Variants in KLF12 observed in about 807,000 individuals in gnomAD.
KLF12 encodes the protein Krueppel-like factor 12.
KLF12 carries 9 observed loss-of-function variants against 37.8 expected under a neutral mutation model. That is an observed-to-expected ratio of 0.24 (90% CI 0.14 to 0.42). The LOEUF (loss-of-function observed/expected upper bound fraction) is 0.42. Ranked by LOEUF, KLF12 falls within the 10% of genes least tolerant of loss-of-function variation. The pLI, the probability that KLF12 is intolerant of heterozygous loss-of-function variation, is 1.00. For missense variants in KLF12, 411 were observed against 516.0 expected, an observed-to-expected ratio of 0.80 and a Z score of 1.97; for synonymous variants, 208 against 202.1, an observed-to-expected ratio of 1.03 and a Z score of -0.25.
intron 2 of KLF12, among the ~76,000 whole-genome samples, chr13:73,972,682 A>G (rs1891381682): frequency 6.7e-6 from 1 of 149,740 alleles, no homozygotes; most frequent in African/African-American, 2.5e-5. Context: ...TAACCGGCAG[A>G]TCGATACGAG....
intron 3 of KLF12, among the ~76,000 whole-genome samples, chr13:73,859,983 G>A (rs1885830714): frequency 6.6e-6 from 1 of 152,188 alleles, no homozygotes; most frequent in South Asian, 2.1e-4. Context: ...CCAATGATGA[G>A]TGCTCTTTGA....
Position 73,863,829 on chromosome 13 carries a change from T to G in KLF12, c.124-17456A>C, listed in dbSNP as rs545952791. Among the ~76,000 whole-genome samples the G allele has an allele frequency of 3.3e-5, 5 of 152,258 alleles. No individual in the cohort carries two copies. In the South Asian group the frequency reaches 1.0e-3, roughly 32 times the overall value. ...GGTAATAGCACCCCGCCAGGAGGGC[T>G]TGGGGTGGAACTGGATACTCCAACA... On this transcript the variant is annotated intron_variant, in intron 3 of 7. Transcript: ENST00000377669.
intron 6 of KLF12, among the ~76,000 whole-genome samples, chr13:73,746,446 T>C (rs1465611229): frequency 6.6e-6 from 1 of 152,178 alleles, no homozygotes; most frequent in Non-Finnish European, 1.5e-5. Flanking sequence ...ATAGCTTGAA[T>C]TCTCTTCCAA....
chr13:73,702,463 C>A (rs1384437558), intron 7 of KLF12, among the ~76,000 whole-genome samples: 1 of 152,090 alleles, frequency 6.6e-6, no homozygotes, highest in Non-Finnish European at 1.5e-5. Flanking sequence ...AAGACAGGTG[C>A]CCTTTCATAT....
the KLF12 span, among the ~76,000 whole-genome samples, chr13:74,221,286 G>A: frequency 6.6e-6 from 1 of 152,146 alleles, no homozygotes; most frequent in African/African-American, 2.4e-5. Flanking sequence ...GATTACAGGC[G>A]TGAGCCACCG....
intron 1 of KLF12, among the ~76,000 whole-genome samples, chr13:74,079,214 T>A (rs370019134): frequency 1.6e-4 from 23 of 145,342 alleles, no homozygotes; most frequent in African/African-American, 5.7e-4. Flanking sequence ...ATAGAACGGG[T>A]ACCAGGGGCT....
At chr13:74,300,778 T>G in the KLF12 span, among the ~76,000 whole-genome samples, 38 of 152,166 alleles carry the variant, frequency 2.5e-4, no homozygotes, top group African/African-American at 8.0e-4. Flanking sequence ...GCAATAAAGA[T>G]AAGTAGTTTT....
At chr13:74,201,611 T>C in the KLF12 span, among the ~76,000 whole-genome samples, 1 of 152,160 alleles carries the variant, frequency 6.6e-6, no homozygotes, top group Non-Finnish European at 1.5e-5. Context: ...CTAAAGTTAC[T>C]TTTGAATCCT....
intron 5 of KLF12, among the ~76,000 whole-genome samples, chr13:73,797,976 T>G (rs955984324): frequency 2.6e-5 from 4 of 152,164 alleles, no homozygotes; most frequent in African/African-American, 9.7e-5. Context: ...TTTTCATGAC[T>G]AATAATTTAC....
chr13:73,736,475 CTAGAA>C (rs1254437677), intron 6 of KLF12, among the ~76,000 whole-genome samples: 1 of 152,102 alleles, frequency 6.6e-6, no homozygotes. Flanking sequence ...AATCCCTATA[CTAGAA>C]AAGTCACCAT....
chr13:74,009,904 C>T (rs1385663759), intron 1 of KLF12, among the ~76,000 whole-genome samples: 1 of 152,148 alleles, frequency 6.6e-6, no homozygotes, highest in Non-Finnish European at 1.5e-5. Context: ...TTAAATTAAA[C>T]AAACTATAAC....
intron 1 of KLF12, among the ~76,000 whole-genome samples, chr13:74,018,664 A>G (rs892313014): frequency 2.0e-5 from 3 of 152,336 alleles, no homozygotes; most frequent in South Asian, 2.1e-4. Context: ...TAAATTAGTA[A>G]TAATGTTTCT....
At chr13:73,793,304 A>G (rs1378659214) in intron 5 of KLF12, among the ~76,000 whole-genome samples, 6 of 152,358 alleles carry the variant, frequency 3.9e-5, no homozygotes, top group Non-Finnish European at 7.3e-5. Flanking sequence ...TGACACAGTT[A>G]TAGGCTCCAA....
intron 5 of KLF12, among the ~76,000 whole-genome samples, chr13:73,765,250 A>G (rs1879835332): frequency 6.6e-6 from 1 of 152,160 alleles, no homozygotes; most frequent in African/African-American, 2.4e-5. Context: ...TCCCAGAGGC[A>G]GGACTGATGC....
intron 4 of KLF12, among the ~76,000 whole-genome samples, chr13:73,831,851 C>T (rs1040991386): frequency 5.3e-5 from 8 of 152,132 alleles, no homozygotes; most frequent in Non-Finnish European, 1.0e-4. Context: ...AAGAGAAGTG[C>T]TACAAAATTT....
chr13:74,234,492 T>C, the KLF12 span, among the ~76,000 whole-genome samples: 4 of 152,252 alleles, frequency 2.6e-5, no homozygotes, highest in East Asian at 7.7e-4. Context: ...CATGAAACAC[T>C]GTATGACACA....
intron 2 of KLF12, among the ~76,000 whole-genome samples, chr13:73,984,580 G>A (rs1300749399): frequency 1.3e-5 from 2 of 152,044 alleles, no homozygotes; most frequent in African/African-American, 4.8e-5. Context: ...CTTCCTTCCC[G>A]ACTGCTAGCC....
intron 1 of KLF12, among the ~76,000 whole-genome samples, chr13:74,022,876 G>GAAA (rs200107283): frequency 2.2e-5 from 3 of 139,264 alleles, no homozygotes; most frequent in Non-Finnish European, 3.1e-5. Flanking sequence ...ATCCACTGTG[G>GAAA]AAAAAAAAAA....
chr13:73,949,466 T>G (rs1049034409), intron 2 of KLF12, among the ~76,000 whole-genome samples: 1 of 152,232 alleles, frequency 6.6e-6, no homozygotes, highest in Non-Finnish European at 1.5e-5. Context: ...CCACATATTT[T>G]CTTAACTTGA....
Sources: allele counts gnomAD v4.1 joint callset (sites outside exome capture counted in the v4.1 genomes callset), GRCh38; gene constraint gnomAD v4.1.1; transcripts MANE v1.5; gene names NCBI Gene and HGNC (gene_info 2026-07-23, HGNC 2026-07-21).